SCARA5: variants seen among roughly 807,000 people sequenced by gnomAD.
The protein encoded by SCARA5 is scavenger receptor class A, member 5 (putative).
SCARA5 carries 45 observed loss-of-function variants against 46.3 expected under a neutral mutation model. The observed-to-expected ratio is 0.97, with a 90% CI of 0.76 to 1.24. SCARA5 has a LOEUF of 1.24. SCARA5 is among the 50% of genes most tolerant of loss of function. The pLI is 0.00. For synonymous variants in SCARA5, 333 were observed against 306.5 expected (o/e 1.09, Z -0.90); for missense variants, 680 against 689.0 (o/e 0.99, Z 0.15).
intron 4 of SCARA5, among the ~76,000 whole-genome samples, chr8:27,911,050 T>A (rs2726995): frequency 7.9e-5 from 12 of 151,930 alleles, no homozygotes; most frequent in Non-Finnish European, 1.3e-4. Context: ...TTGCAGAATC[T>A]TCTTGCCAGC....
chr8:27,911,068 G>A (rs566486577), intron 4 of SCARA5, among the ~76,000 whole-genome samples: 32 of 152,222 alleles, frequency 2.1e-4, no homozygotes, highest in East Asian at 7.7e-4. Flanking sequence ...AGCCATTGTC[G>A]CACCTGCTGT....
chr8:27,873,949 C>G (rs1311015688), intron 8 of SCARA5, among the ~76,000 whole-genome samples: 1 of 152,208 alleles, frequency 6.6e-6, no homozygotes, highest in African/African-American at 2.4e-5. Flanking sequence ...ACGCAGGAGG[C>G]TGAGGCAGGA....
chr8:27,932,196 T>A (rs982478571), intron 3 of SCARA5, among the ~76,000 whole-genome samples: 1 of 152,108 alleles, frequency 6.6e-6, no homozygotes, highest in African/African-American at 2.4e-5. Flanking sequence ...CTCAGGCTTG[T>A]CTTGAACTCC....
chr8:27,875,899 G>T (rs933715249), intron 8 of SCARA5, among the ~76,000 whole-genome samples: 1 of 152,216 alleles, frequency 6.6e-6, no homozygotes, highest in African/African-American at 2.4e-5. Context: ...TACTCAGGAG[G>T]CTGAGGCAGG....
intron 7 of SCARA5, among the ~76,000 whole-genome samples, chr8:27,893,299 T>C (rs1287398359): frequency 6.6e-6 from 1 of 152,106 alleles, no homozygotes; most frequent in Non-Finnish European, 1.5e-5. Context: ...TGATGCAAAC[T>C]GGATGTTATT....
intron 8 of SCARA5, among the ~76,000 whole-genome samples, chr8:27,872,295 A>G (rs898464): frequency 0.92 from 140,456 of 152,282 alleles, 64,846 homozygotes; most frequent in East Asian, 1. Flanking sequence ...TAGTAGCTAC[A>G]AATATCAGCT....
At chr8:27,952,495 C>A (rs1484097730) in intron 3 of SCARA5, among the ~76,000 whole-genome samples, 1 of 152,078 alleles carries the variant, frequency 6.6e-6, no homozygotes, top group Non-Finnish European at 1.5e-5. Flanking sequence ...TGCCATCACC[C>A]AGGGGACACA....
At chr8:27,912,532 G>A (rs1807394387) in intron 4 of SCARA5, among the ~76,000 whole-genome samples, 1 of 152,226 alleles carries the variant, frequency 6.6e-6, no homozygotes, top group Admixed American at 6.5e-5. Context: ...GAAGGGCGGA[G>A]TCAGGAAGCA....
chr8:27,939,383 G>A (rs1038452353), intron 3 of SCARA5, among the ~76,000 whole-genome samples: 1 of 152,176 alleles, frequency 6.6e-6, no homozygotes. Flanking sequence ...CAACCTGGCT[G>A]TCAGTCCAGC....
chr8:27,983,204 A>T (rs1808650824), intron 2 of SCARA5, among the ~76,000 whole-genome samples: 1 of 152,188 alleles, frequency 6.6e-6, no homozygotes, highest in Non-Finnish European at 1.5e-5. Flanking sequence ...CCAATGGGTG[A>T]GCTGTCTGTA....
At chr8:27,981,114 T>A (rs1357134696) in intron 2 of SCARA5, among the ~76,000 whole-genome samples, 1 of 152,164 alleles carries the variant, frequency 6.6e-6, no homozygotes, top group Non-Finnish European at 1.5e-5. Flanking sequence ...TTACCCGGGT[T>A]ATATCATGTA....
chr8:27,944,384 G>C (rs1807999700), intron 3 of SCARA5, among the ~76,000 whole-genome samples: 1 of 152,014 alleles, frequency 6.6e-6, no homozygotes, highest in Non-Finnish European at 1.5e-5. Context: ...CATATTTAGG[G>C]GTGAAGTTTG....
chr8:27,871,305 A>G lies in SCARA5; in HGVS notation c.*629T>C, dbSNP rs1223761362. On this transcript the variant is annotated 3_prime_UTR_variant, in exon 9 of 9. Transcript: ENST00000354914. ...TTTAGCGTGCCATGGTAGTCATTCA[A>G]TGTTAGTTTCATTCCCTTCTCCAAA... The G allele has an allele frequency of 8.2e-6, 3 of 366,750 alleles. No individual in the cohort carries two copies. Among genetic ancestry groups the G allele is most frequent in the Non-Finnish European group, 1.1e-5 (3 of 264,070 alleles). The allele number at this position is 366,750 out of a possible 1,614,324, so 22.7% of individuals were successfully genotyped here.
intron 4 of SCARA5, among the ~76,000 whole-genome samples, chr8:27,911,005 C>T (rs1461049247): frequency 2.0e-5 from 3 of 152,192 alleles, no homozygotes; most frequent in Non-Finnish European, 4.4e-5. Flanking sequence ...CCCACGTCCA[C>T]TCTGCAACAC....
chr8:27,919,963 T>C (rs932183666), intron 4 of SCARA5, among the ~76,000 whole-genome samples: 1 of 149,864 alleles, frequency 6.7e-6, no homozygotes, highest in African/African-American at 2.5e-5. Flanking sequence ...CAGTGGGCCA[T>C]GGGGAGCCAC....
intron 3 of SCARA5, among the ~76,000 whole-genome samples, chr8:27,945,169 T>A (rs1329297549): frequency 3.4e-5 from 5 of 147,242 alleles, no homozygotes; most frequent in South Asian, 2.2e-4. Context: ...TGTAAAAAAA[T>A]AATAATAAAT....
At chr8:27,948,479 C>T (rs1808071146) in intron 3 of SCARA5, among the ~76,000 whole-genome samples, 1 of 152,236 alleles carries the variant, frequency 6.6e-6, no homozygotes, top group Admixed American at 6.5e-5. Context: ...ACAAAGGCGG[C>T]AGGGCCTGGG....
At chr8:27,984,090 A>G (rs1274090113) in intron 2 of SCARA5, among the ~76,000 whole-genome samples, 3 of 150,938 alleles carry the variant, frequency 2.0e-5, no homozygotes, top group Admixed American at 2.0e-4. Context: ...TCTCTTCCCA[A>G]CTTCCCCCTC....
chr8:27,886,244 G>C (rs988287653), intron 7 of SCARA5: 1 of 152,486 alleles, frequency 6.6e-6, no homozygotes, highest in Non-Finnish European at 1.5e-5. Context: ...TCCCCCCATG[G>C]TGGAGGGCCG....
Sources: allele counts gnomAD v4.1 joint callset (sites outside exome capture counted in the v4.1 genomes callset), GRCh38; gene constraint gnomAD v4.1.1; transcripts MANE v1.5; gene names NCBI Gene and HGNC (gene_info 2026-07-23, HGNC 2026-07-21).